Variants in SCN1A observed in about 807,000 individuals in gnomAD.
SCN1A encodes sodium voltage-gated channel alpha subunit 1, also known as sodium channel protein type 1 subunit alpha.
Under a neutral mutation model 193.7 loss-of-function variants are expected in SCN1A, and 13 were observed. The ratio of observed to expected loss-of-function variants is 0.07; its 90% CI spans 0.04 to 0.11. The LOEUF is 0.11. Among genes scored for constraint, SCN1A ranks in the 10% least tolerant of loss-of-function variants. The pLI, the probability that SCN1A is intolerant of heterozygous loss-of-function variation, is 1.00. For synonymous variants in SCN1A, 781 were observed against 843.6 expected, an observed-to-expected ratio of 0.93 and a Z score of 1.29; for missense variants, 1,432 against 2,451.1, an observed-to-expected ratio of 0.58 and a Z score of 8.78.
At chr2:166,139,250 T>C (rs1691984822) in intron 1 of SCN1A, among the ~76,000 whole-genome samples, 1 of 152,190 alleles carries the variant, frequency 6.6e-6, no homozygotes, top group South Asian at 2.1e-4. Flanking sequence ...TGTGAGGACA[T>C]GAGATTTGGG....
At chr2:166,022,025 G>A (rs2105690387) in intron 19 of SCN1A, among the ~76,000 whole-genome samples, 1 of 151,920 alleles carries the variant, frequency 6.6e-6, no homozygotes, top group South Asian at 2.1e-4. Context: ...TATAAGTTTG[G>A]GAACAATTTC....
chr2:166,039,310 G>C (rs1696842773), intron 17 of SCN1A, 113 bp downstream of exon 17: 1 of 1,099,066 alleles, frequency 9.1e-7, no homozygotes, highest in African/African-American at 1.6e-5. Context: ...AAATGTTACA[G>C]AAAAACTTAC....
rs1696001139 is a variant in SCN1A, at chr2:166,034,034, TAAAC to T, written c.3429+2010_3429+2013del. Among the ~76,000 whole-genome samples the T allele has an allele frequency of 8.5e-5, 13 of 152,184 alleles. No homozygotes were observed. In the South Asian group the frequency reaches 2.5e-3, roughly 29 times the overall value. On this transcript the variant is annotated intron_variant, in intron 19 of 28. Transcript: ENST00000674923. ...ATCTGATTCCTTAGGAAAACTCAAA[TAAAC>T]AAAGTCTGAACTGACATAATATCCA... is the stretch of plus-strand genomic sequence containing the variant.
chr2:166,133,860 A>C (rs1691755237), intron 1 of SCN1A: 1 of 151,994 alleles, frequency 6.6e-6, no homozygotes, highest in African/African-American at 2.4e-5. Flanking sequence ...TCCACCCTCT[A>C]TCGGTGCACC....
chr2:166,058,025 C>T (rs1342959189), intron 5 of SCN1A, among the ~76,000 whole-genome samples: 1 of 152,010 alleles, frequency 6.6e-6, no homozygotes, highest in African/African-American at 2.4e-5. Context: ...GAAATTCAGC[C>T]AATATTCCAG....
chr2:166,118,298 G>GCTTCTTTTTTTTTTTTTTT lies in SCN1A; in HGVS notation c.-142+8625_-142+8626insAAAAAAAAAAAAAAAGAAG. Among the ~76,000 whole-genome samples, 81 of 44,730 alleles carry GCTTCTTTTTTTTTTTTTTT rather than the reference G, an allele frequency of 1.8e-3. 30 individuals carry two copies. The highest frequency in any genetic ancestry group is 2.8e-3 in the African/African-American group (39 of 13,762). 29.3% of individuals were successfully genotyped at this position (44,730 alleles called of 152,430 possible). A position where few individuals can be genotyped will look rare whatever the true frequency, so the allele number is the denominator to read the frequency against. Reference sequence around the variant, plus strand: ...TTCTTTGCTTACTGATTTCTATTTAGTTTCTTTTTTTTTTTTTTTTTTTTT... The same window carrying GCTTCTTTTTTTTTTTTTTT: ...TTCTTTGCTTACTGATTTCTATTTAGCTTCTTTTTTTTTTTTTTTTTTCTTTTTTTTTTTTTTTTTTTTT... On this transcript the variant is annotated intron_variant, in intron 2 of 28. Transcript: ENST00000674923.
rs57488795 is a variant in SCN1A, at chr2:166,123,223, C to CAAAAAAAAAAAA, written c.-142+3689_-142+3700dup. ...AATCACATTCCTACTCATTCATTTG[C>CAAAAAAAAAAAA]AAAAAAAAAAAAAAAAAAAAAAAAA... On this transcript the variant is annotated intron_variant, in intron 2 of 28. Transcript: ENST00000674923. Among the ~76,000 whole-genome samples the CAAAAAAAAAAAA allele has an allele frequency of 3.4e-4, 40 of 116,394 alleles. 2 individuals carry two copies. Among genetic ancestry groups the CAAAAAAAAAAAA allele is most frequent in the African/African-American group, 4.5e-4 (13 of 28,988 alleles). 76.4% of individuals were successfully genotyped at this position (116,394 alleles called of 152,430 possible).
intron 1 of SCN1A, among the ~76,000 whole-genome samples, chr2:166,145,091 C>T (rs1692256099): frequency 6.6e-6 from 1 of 151,320 alleles, no homozygotes; most frequent in Non-Finnish European, 1.5e-5. Flanking sequence ...CAGCCTTGGT[C>T]TCCCAAAGTG....
chr2:166,115,349 C>T (rs1459919640), intron 2 of SCN1A, among the ~76,000 whole-genome samples: 6 of 151,748 alleles, frequency 4.0e-5, no homozygotes, highest in Admixed American at 3.3e-4. Flanking sequence ...GAAACAAGAG[C>T]GAAACTCCGT....
upstream of SCN1A, among the ~76,000 whole-genome samples, chr2:166,128,279 G>A (rs1691471005): frequency 1.3e-5 from 2 of 151,820 alleles, no homozygotes; most frequent in South Asian, 2.1e-4. Context: ...AAGAGGAAAA[G>A]GTTTGAAAGT....
intron 6 of SCN1A, among the ~76,000 whole-genome samples, chr2:166,055,432 G>A (rs922227): frequency 0.67 from 101,061 of 151,638 alleles, 34,102 homozygotes; most frequent in East Asian, 0.89. Context: ...TCCCATATTA[G>A]CTTCAATACT....
chr2:166,105,884 C>T (rs1688632322), intron 2 of SCN1A, among the ~76,000 whole-genome samples: 1 of 152,168 alleles, frequency 6.6e-6, no homozygotes, highest in South Asian at 2.1e-4. Flanking sequence ...CAGTCTGGGA[C>T]ACAATCAAGA....
At chr2:166,061,721 G>T (rs1306614745) in intron 4 of SCN1A, among the ~76,000 whole-genome samples, 1 of 152,052 alleles carries the variant, frequency 6.6e-6, no homozygotes, top group Non-Finnish European at 1.5e-5. Flanking sequence ...AAGATAAAAG[G>T]AGGTATAAAG....
chr2:166,013,950 A>G, intron 20 of SCN1A, 52 bp from the exon 21 acceptor site: 1 of 1,589,070 alleles, frequency 6.3e-7, no homozygotes, highest in Non-Finnish European at 8.6e-7. Context: ...CTTCCATAAT[A>G]TCCTTTAGCA....
Position 166,133,248 on chromosome 2 carries a change from C to G in SCN1A, c.-50+15799G>C, listed in dbSNP as rs144660701. Among the ~76,000 whole-genome samples, 236 of 152,274 alleles carry G rather than the reference C, an allele frequency of 1.5e-3. 4 individuals are homozygous for G. The Middle Eastern group carries it at 0.024, about 15-fold the overall frequency. ...CCTTCCCTGCTATCGAGACAACGCA[C>G]AGAAGCCAGAATTATGTCTGCAGGT... On this transcript the variant is annotated intron_variant, in intron 1 of 26. Coordinates refer to the SCN1A transcript ENST00000635750.
At chr2:166,143,259 C>T (rs777696437) in intron 1 of SCN1A, among the ~76,000 whole-genome samples, 3 of 150,592 alleles carry the variant, frequency 2.0e-5, no homozygotes, top group Non-Finnish European at 2.9e-5. Context: ...CTCCGCCTCC[C>T]GGGTTCAAGC....
chr2:165,994,493 A>G lies in SCN1A; in HGVS notation c.4582-77T>C. 4 of 1,388,518 alleles carry G rather than the reference A, an allele frequency of 2.9e-6. No individual in the cohort carries two copies. The South Asian group carries it at 4.8e-5, about 17-fold the overall frequency. The allele number at this position is 1,388,518 out of a possible 1,614,324, so 86.0% of individuals were successfully genotyped here. A position where few individuals can be genotyped will look rare whatever the true frequency, so the allele number is the denominator to read the frequency against. Reference sequence around the variant, plus strand: ...TTAGCATTAAGTACTTTCTGCATTAATTGACTTTCTAGTTTCTTGCAAAGT... The same window carrying G: ...TTAGCATTAAGTACTTTCTGCATTAGTTGACTTTCTAGTTTCTTGCAAAGT... On this transcript the variant is annotated intron_variant, in intron 27 of 28. Transcript: ENST00000674923.
intron 19 of SCN1A, among the ~76,000 whole-genome samples, chr2:166,028,480 AAAGTACTACTGTTCAGAGG>A (rs1313511896): frequency 6.6e-6 from 1 of 152,166 alleles, no homozygotes; most frequent in Admixed American, 6.5e-5. Flanking sequence ...GAAAGAGTTG[AAAGTACTACTGTTCAGAGG>A]ATCAGAGAAA....
chr2:166,081,962 C>T lies in SCN1A; in HGVS notation c.-141-4161G>A, dbSNP rs181819740. Among the ~76,000 whole-genome samples the T allele has an allele frequency of 3.6e-3, 552 of 152,052 alleles. 8 individuals carry two copies. The highest frequency in any genetic ancestry group is 0.014 in the Middle Eastern group (4 of 294). On this transcript the variant is annotated intron_variant, in intron 2 of 28. Coordinates refer to ENST00000674923, the MANE Select transcript of SCN1A (RefSeq NM_001165963.4). ...TAAAGTGCAGCTCTTATGGTTTATT[C>T]ACAGACAAGAATATATATAGTACTT...
Sources: gnomAD v4.1 joint callset for allele counts (sites outside exome capture counted in the v4.1 genomes callset) on GRCh38, gnomAD v4.1.1 for gene constraint, MANE v1.5 for transcripts, NCBI Gene and HGNC (gene_info 2026-07-23, HGNC 2026-07-21) for gene names.